The following LRMDA variants were observed in gnomAD, a reference collection of about 807,000 sequenced individuals.
LRMDA encodes the protein leucine-rich melanocyte differentiation-associated protein.
In LRMDA, 18 loss-of-function variants were observed where a neutral mutation model predicts 29.8. The ratio of observed to expected loss-of-function variants is 0.60; its 90% confidence interval spans 0.42 to 0.90. The LOEUF is 0.90. Ranked by LOEUF, LRMDA falls within the 40% of genes least tolerant of loss-of-function variation. The probability of loss-of-function intolerance (pLI) is 0.00; values close to 1 mark genes in which losing one functional copy is unlikely to be tolerated. For synonymous variants in LRMDA, 125 were observed against 109.4 expected (o/e 1.14, Z -0.89); for missense variants, 273 against 273.9 (o/e 1.00, Z 0.02).
At chr10:76,040,196 C>T (rs1848317936) in intron 3 of LRMDA, among the ~76,000 whole-genome samples, 1 of 152,170 alleles carries the variant, frequency 6.6e-6, no homozygotes, top group South Asian at 2.1e-4. Context: ...AGCCAAGATA[C>T]AGGAGGAGTC....
intron 6 of LRMDA, among the ~76,000 whole-genome samples, chr10:76,400,523 A>G (rs776407669): frequency 2.0e-5 from 3 of 152,194 alleles, no homozygotes; most frequent in Non-Finnish European, 4.4e-5. Context: ...AGAAATACTC[A>G]GTGTCTTCAT....
intron 6 of LRMDA, chr10:76,438,686 G>T (rs1260083016): frequency 6.6e-6 from 1 of 152,180 alleles, no homozygotes; most frequent in Non-Finnish European, 1.5e-5. Flanking sequence ...TCAGTTTAGA[G>T]ATCTTCCCAG....
At chr10:76,176,292 GA>G (rs1448558833) in intron 5 of LRMDA, among the ~76,000 whole-genome samples, 2 of 152,164 alleles carry the variant, frequency 1.3e-5, no homozygotes, top group Non-Finnish European at 2.9e-5. Context: ...AATTATGGCA[GA>G]AAATAAAGGT....
At chr10:75,688,412 A>G (rs1842107620) in intron 2 of LRMDA, among the ~76,000 whole-genome samples, 1 of 152,246 alleles carries the variant, frequency 6.6e-6, no homozygotes, top group South Asian at 2.1e-4. Context: ...CAGATGTGGC[A>G]GAAATAGCAA....
At chr10:76,224,597 A>G (rs575522103) in intron 5 of LRMDA, among the ~76,000 whole-genome samples, 4 of 151,758 alleles carry the variant, frequency 2.6e-5, no homozygotes, top group African/African-American at 7.2e-5. Context: ...AATGTTAGGC[A>G]AGGATTGCTA....
intron 2 of LRMDA, chr10:75,643,005 T>C (rs1407872833): frequency 1.3e-5 from 2 of 152,182 alleles, no homozygotes; most frequent in Admixed American, 6.5e-5. Flanking sequence ...AGACTGAAGA[T>C]GACTTGATGC....
intron 2 of LRMDA, among the ~76,000 whole-genome samples, chr10:75,763,592 C>T (rs1312101885): frequency 1.3e-5 from 2 of 152,138 alleles, no homozygotes; most frequent in African/African-American, 2.4e-5. Context: ...TCGAGCAAAA[C>T]AGTTTACGAG....
intron 5 of LRMDA, among the ~76,000 whole-genome samples, chr10:76,295,970 C>T (rs2132354030): frequency 6.6e-6 from 1 of 152,258 alleles, no homozygotes; most frequent in African/African-American, 2.4e-5. Context: ...ATTTTCCTGT[C>T]TCTTAATTTT....
intron 2 of LRMDA, among the ~76,000 whole-genome samples, chr10:75,751,840 A>G (rs1842973135): frequency 6.6e-6 from 1 of 152,188 alleles, no homozygotes; most frequent in South Asian, 2.1e-4. Flanking sequence ...GAGGCCTTCA[A>G]GATTGTGTGC....
chr10:75,581,860 C>A (rs1047810083), intron 2 of LRMDA, among the ~76,000 whole-genome samples: 5 of 152,090 alleles, frequency 3.3e-5, no homozygotes, highest in Non-Finnish European at 7.3e-5. Flanking sequence ...GTGCAGCAAA[C>A]CACCATGGCA....
chr10:75,840,531 T>C, intron 2 of LRMDA, among the ~76,000 whole-genome samples: 1 of 152,188 alleles, frequency 6.6e-6, no homozygotes, highest in East Asian at 1.9e-4. Context: ...ATATGTTGGG[T>C]CTGTGAAGCT....
intron 2 of LRMDA, among the ~76,000 whole-genome samples, chr10:75,724,615 T>G (rs1842608720): frequency 1.3e-5 from 2 of 152,204 alleles, no homozygotes; most frequent in Non-Finnish European, 2.9e-5. Flanking sequence ...CCGGCTTTTC[T>G]GTTCTTCCTC....
intron 2 of LRMDA, among the ~76,000 whole-genome samples, chr10:75,707,703 G>A (rs1303293814): frequency 6.6e-6 from 1 of 152,200 alleles, no homozygotes; most frequent in African/African-American, 2.4e-5. Context: ...AAATGGGAAG[G>A]CGGACAGGGC....
At chr10:75,654,260 T>C (rs1841638961) in intron 2 of LRMDA, among the ~76,000 whole-genome samples, 1 of 152,218 alleles carries the variant, frequency 6.6e-6, no homozygotes, top group Admixed American at 6.5e-5. Context: ...GTAGGTGTCT[T>C]AATGTCTCTG....
intron 2 of LRMDA, among the ~76,000 whole-genome samples, chr10:75,919,587 A>G (rs958185373): frequency 2.7e-4 from 41 of 152,260 alleles, no homozygotes; most frequent in African/African-American, 8.9e-4. Flanking sequence ...GAGTGATAGT[A>G]GGTTTTTGGA....
At chr10:76,019,481 C>T (rs532574135) in intron 2 of LRMDA, among the ~76,000 whole-genome samples, 2 of 152,092 alleles carry the variant, frequency 1.3e-5, no homozygotes, top group East Asian at 3.9e-4. Context: ...TTTATGAACT[C>T]ATCATGATTT....
chr10:76,450,936 T>C (rs1292349496), intron 6 of LRMDA, among the ~76,000 whole-genome samples: 1 of 152,206 alleles, frequency 6.6e-6, no homozygotes, highest in African/African-American at 2.4e-5. Flanking sequence ...AAATATATCC[T>C]CCTCATCTGA....
chr10:76,220,670 A>G (rs890480518), intron 5 of LRMDA, among the ~76,000 whole-genome samples: 6 of 152,212 alleles, frequency 3.9e-5, no homozygotes, highest in African/African-American at 1.4e-4. Context: ...AGATGGATTC[A>G]TAGCCGAATT....
chr10:76,299,733 C>T (rs1158648027), intron 5 of LRMDA, among the ~76,000 whole-genome samples: 1 of 151,858 alleles, frequency 6.6e-6, no homozygotes, highest in Non-Finnish European at 1.5e-5. Flanking sequence ...GGAATCTTCG[C>T]AATCTGCTGT....
Sources: gnomAD v4.1 joint callset for allele counts (sites outside exome capture counted in the v4.1 genomes callset) on GRCh38, gnomAD v4.1.1 for gene constraint, MANE v1.5 for transcripts, NCBI Gene and HGNC (gene_info 2026-07-23, HGNC 2026-07-21) for gene names.